PALLD: variants seen among roughly 807,000 people sequenced by gnomAD.
PALLD encodes palladin.
PALLD carries 61 observed loss-of-function variants against 123.5 expected under a neutral mutation model. That is an observed-to-expected ratio of 0.49 (90% CI 0.40 to 0.61). PALLD has a LOEUF of 0.61. Among genes scored for constraint, PALLD ranks in the 20% least tolerant of loss-of-function variants. The pLI is 0.00. For synonymous variants in PALLD, 465 were observed against 496.4 expected (o/e 0.94, Z 0.84); for missense variants, 1,273 against 1,377.0 (o/e 0.92, Z 1.20).
intron 17 of PALLD, among the ~76,000 whole-genome samples, chr4:168,920,142 C>T (rs957617184): frequency 2.0e-5 from 3 of 152,234 alleles, no homozygotes; most frequent in African/African-American, 7.2e-5. Flanking sequence ...TCTTCCTCCA[C>T]ACCACTTCTG....
At chr4:168,854,054 C>G (rs1024782678) in intron 10 of PALLD, among the ~76,000 whole-genome samples, 6 of 152,124 alleles carry the variant, frequency 3.9e-5, no homozygotes, top group African/African-American at 1.2e-4. Context: ...TATTATTACC[C>G]CATTACATAG....
intron 10 of PALLD, among the ~76,000 whole-genome samples, chr4:168,865,269 T>C (rs990410110): frequency 6.6e-6 from 1 of 152,264 alleles, no homozygotes; most frequent in Non-Finnish European, 1.5e-5. Context: ...GTCACAAGTC[T>C]CTTAATTCAT....
chr4:168,885,993 T>G (rs1313444239), intron 10 of PALLD, among the ~76,000 whole-genome samples: 2 of 152,250 alleles, frequency 1.3e-5, no homozygotes, highest in African/African-American at 4.8e-5. Context: ...AATTCTAATT[T>G]TCTCTTATTT....
intron 2 of PALLD, among the ~76,000 whole-genome samples, chr4:168,664,334 C>G (rs961010239): frequency 6.6e-6 from 1 of 152,098 alleles, no homozygotes; most frequent in Non-Finnish European, 1.5e-5. Flanking sequence ...TTGAAATATA[C>G]CTTAATACTG....
At chr4:168,905,138 G>GTTTTTTT (rs777740588) in intron 15 of PALLD, among the ~76,000 whole-genome samples, 1 of 34,524 alleles carries the variant, frequency 2.9e-5, no homozygotes, top group African/African-American at 7.7e-5. Context: ...TGTTTTGTTG[G>GTTTTTTT]TTTTTTTTTT....
Position 168,554,632 on chromosome 4 carries a change from C to T in PALLD, c.908+42220C>T, listed in dbSNP as rs148198762. Among the ~76,000 whole-genome samples, 22 of 152,260 alleles carry T rather than the reference C, an allele frequency of 1.4e-4. 1 individual carries two copies. Among genetic ancestry groups the T allele is most frequent in the African/African-American group, 4.3e-4 (18 of 41,556 alleles). On this transcript the variant is annotated intron_variant, in intron 2 of 21. Transcript: ENST00000505667. ...ACATTAAAATATTTGAGGCTAAGTA[C>T]GCTCTTAATTTTTTTAAAAGATTTT...
intron 2 of PALLD, among the ~76,000 whole-genome samples, chr4:168,528,395 G>A (rs1764275512): frequency 6.6e-6 from 1 of 152,216 alleles, no homozygotes; most frequent in Non-Finnish European, 1.5e-5. Flanking sequence ...TGATGTGAAA[G>A]TCCAAAAAGA....
intron 10 of PALLD, among the ~76,000 whole-genome samples, chr4:168,842,584 T>C (rs1746191292): frequency 1.3e-5 from 2 of 152,224 alleles, no homozygotes; most frequent in South Asian, 2.1e-4. Flanking sequence ...GTAGCTCTCA[T>C]TCAGGCCATC....
intron 2 of PALLD, among the ~76,000 whole-genome samples, chr4:168,639,060 C>G (rs1341414986): frequency 6.6e-6 from 1 of 152,202 alleles, no homozygotes; most frequent in Non-Finnish European, 1.5e-5. Flanking sequence ...TTTCCCAGCC[C>G]ATGACATTAG....
chr4:168,921,952 A>G (rs939396138), intron 18 of PALLD, among the ~76,000 whole-genome samples: 8 of 152,112 alleles, frequency 5.3e-5, no homozygotes, highest in African/African-American at 1.9e-4. Context: ...AAAGAGAGAA[A>G]AAGATTTTAT....
In PALLD at chr4:168,668,331, C is replaced by T. The variant is rs569927452; in HGVS notation, c.1050C>T (p.Ser350=). The T allele has an allele frequency of 4.2e-5, 68 of 1,612,054 alleles. No individual in the cohort carries two copies. Among genetic ancestry groups the T allele is most frequent in the Admixed American group, 1.8e-4 (11 of 59,926 alleles). The stretch of plus-strand genomic sequence containing the variant: ...ACACCTGTTTGGCTACGAATCCCAG[C>T]GGCTCAGACACAACATCTGCTGAGG... The part of the protein sequence containing the change: ...GRYTCLATNP[S]GSDTTSAEVF... The change falls in exon 3 of 22, where the codon AGC becomes AGT. Residue 350 remains serine, a synonymous_variant. Transcript: ENST00000505667.
rs2151117758 is a variant in PALLD at position 168,878,131 on chromosome 4, G to C, written c.1965-12791G>C. 1 of 1,482,014 alleles carries C rather than the reference G, an allele frequency of 6.7e-7. No individual in the cohort carries two copies. Among genetic ancestry groups the C allele is most frequent in the Non-Finnish European group, 8.9e-7 (1 of 1,123,564 alleles). 91.8% of individuals were successfully genotyped at this position (1,482,014 alleles called of 1,614,324 possible). A position where few individuals can be genotyped will look rare whatever the true frequency, so the allele number is the denominator to read the frequency against. On this transcript the variant is annotated intron_variant, in intron 10 of 21. Transcript: ENST00000505667. Reference sequence around the variant, plus strand: ...CCTTCGGCGCTGAGCCCGAGGCCCCGTGGGGCTCCTCCTCGCCGTCGCCCC... The same window carrying C: ...CCTTCGGCGCTGAGCCCGAGGCCCCCTGGGGCTCCTCCTCGCCGTCGCCCC...
intron 2 of PALLD, among the ~76,000 whole-genome samples, chr4:168,623,560 G>C (rs1204038788): frequency 6.6e-6 from 1 of 152,236 alleles, no homozygotes. Context: ...GACTGGGTAG[G>C]TGAGGATGGA....
At chr4:168,694,282 T>C (rs1782929705) in intron 8 of PALLD, among the ~76,000 whole-genome samples, 1 of 152,188 alleles carries the variant, frequency 6.6e-6, no homozygotes, top group Admixed American at 6.5e-5. Flanking sequence ...AAGAGATAAA[T>C]TTTATAGGAC....
intron 10 of PALLD, among the ~76,000 whole-genome samples, chr4:168,840,200 T>A (rs1745840198): frequency 6.6e-6 from 1 of 152,206 alleles, no homozygotes; most frequent in Non-Finnish European, 1.5e-5. Flanking sequence ...CATTTTGTTA[T>A]GTAACAGAGA....
At chr4:168,741,480 C>A (rs1220946316) in intron 10 of PALLD, among the ~76,000 whole-genome samples, 1 of 151,904 alleles carries the variant, frequency 6.6e-6, no homozygotes, top group Non-Finnish European at 1.5e-5. Context: ...GAGTTTGAGA[C>A]CAGCCTGAGC....
chr4:168,573,845 T>C (rs1039372102), intron 2 of PALLD, among the ~76,000 whole-genome samples: 6 of 152,124 alleles, frequency 3.9e-5, no homozygotes, highest in African/African-American at 1.4e-4. Context: ...TTGAGACTAC[T>C]AACATAATCT....
At chr4:168,788,026 T>C (rs72986895) in intron 10 of PALLD, among the ~76,000 whole-genome samples, 5,296 of 152,326 alleles carry the variant, frequency 0.035, 288 homozygotes, top group African/African-American at 0.12. Context: ...CTGTAACTAA[T>C]CTGGCATCTT....
chr4:168,778,491 A>C (rs1391860961), intron 10 of PALLD, among the ~76,000 whole-genome samples: 3 of 152,194 alleles, frequency 2.0e-5, no homozygotes, highest in Non-Finnish European at 4.4e-5. Context: ...TGTGTGTCGT[A>C]CTATGGCGCG....
Sources: allele counts gnomAD v4.1 joint callset (sites outside exome capture counted in the v4.1 genomes callset), GRCh38; gene constraint gnomAD v4.1.1; transcripts MANE v1.5; gene names NCBI Gene and HGNC (gene_info 2026-07-23, HGNC 2026-07-21).